Variants in RPAIN observed in about 807,000 individuals in gnomAD.
The protein encoded by RPAIN is RPA-interacting protein.
A neutral mutation model predicts 30.5 loss-of-function variants in RPAIN; 29 were observed. That is an observed-to-expected ratio of 0.95 (90% confidence interval 0.71 to 1.30). The LOEUF (loss-of-function observed/expected upper bound fraction) is 1.30. Ranked by LOEUF, RPAIN falls within the 50% of genes most tolerant of loss-of-function variation. The pLI is 0.00. For synonymous variants in RPAIN, 101 were observed against 93.5 expected, an observed-to-expected ratio of 1.08 and a Z score of -0.46; for missense variants, 247 against 264.7, an observed-to-expected ratio of 0.93 and a Z score of 0.46.
At chr17:5,429,236 A>C (rs1915683254) in intron 6 of RPAIN, 1 of 984,776 alleles carries the variant, frequency 1.0e-6, no homozygotes, top group Admixed American at 6.2e-5. Flanking sequence ...TTCCTGGAGG[A>C]GGCATTTAAC....
chr17:5,432,395 C>G (rs1916066787), intron 6 of RPAIN, 147 bp from the exon 7 acceptor site: 1 of 715,410 alleles, frequency 1.4e-6, no homozygotes, highest in Non-Finnish European at 2.4e-6. Context: ...GGGCGGTCAT[C>G]ATGACAAACT....
intron 5 of RPAIN, chr17:5,426,798 G>T (rs1356110084): frequency 6.6e-6 from 1 of 152,382 alleles, no homozygotes; most frequent in Admixed American, 6.5e-5. Context: ...CTGCCACCAC[G>T]CCCGGCTAAT....
rs1915350290 is a variant in RPAIN, at chr17:5,426,016, A to C, written c.359A>C (p.Glu120Ala). 3 of 1,614,036 alleles carry C rather than the reference A, an allele frequency of 1.9e-6. No homozygotes were observed. The highest frequency in any genetic ancestry group is 1.7e-5 in the Admixed American group (1 of 59,998). Residue 120 changes from glutamate (E) to alanine (A), a missense_variant, in exon 4 of 7, where the codon GAA becomes GCA. Transcript: ENST00000381209. ...SEYEKSLQFD[E>A]KCLSIMLAEW... ...TATGAGAAGAGCTTGCAGTTTGATG[A>C]AAAGTGTCTCAGCATCATGCTGGCT...
chr17:5,426,141 G>A (rs1915364736), intron 4 of RPAIN, 59 bp downstream of exon 4: 1 of 1,562,670 alleles, frequency 6.4e-7, no homozygotes, highest in Admixed American at 1.7e-5. Flanking sequence ...TCCAAGGTGA[G>A]TGGAATCTCC....
chr17:5,422,854 T>G, intron 3 of RPAIN, 25 bp downstream of exon 3: 1 of 1,553,358 alleles, frequency 6.4e-7, no homozygotes, highest in Non-Finnish European at 8.9e-7. Context: ...TAGTCCTTCC[T>G]TACCTGTATT....
chr17:5,429,728 G>A (rs1915725870), intron 6 of RPAIN: 1 of 985,362 alleles, frequency 1.0e-6, no homozygotes, highest in African/African-American at 1.7e-5. Context: ...AATATGCAGT[G>A]CTTTCAGGCC....
chr17:5,427,904 T>C, intron 5 of RPAIN, 167 bp from the exon 6 acceptor site: 1 of 683,396 alleles, frequency 1.5e-6, no homozygotes, highest in Non-Finnish European at 2.6e-6. Flanking sequence ...TAAATGGAGA[T>C]GGGTTAAGAG....
At chr17:5,432,483 C>A in intron 6 of RPAIN, 59 bp from the exon 7 acceptor site, 1 of 1,471,178 alleles carries the variant, frequency 6.8e-7, no homozygotes, top group Non-Finnish European at 9.5e-7. Context: ...CAACTTTTAT[C>A]AGATATCTTT....
chr17:5,425,207 TGCCCCTGTGACTA>T (rs1183742522), intron 3 of RPAIN: 3 of 412,088 alleles, frequency 7.3e-6, no homozygotes, highest in Non-Finnish European at 1.4e-5. Flanking sequence ...TTCATCTTTG[TGCCCCTGTGACTA>T]GCAGATACTA....
intron 3 of RPAIN, chr17:5,425,255 G>C (rs1915261302): frequency 6.6e-6 from 3 of 452,566 alleles, no homozygotes; most frequent in South Asian, 4.7e-5. Flanking sequence ...TTTGCTGAAT[G>C]AATGAGCACA....
rs186305667 is a variant in RPAIN, at chr17:5,420,964, G to C, written c.82-332G>C. Among the ~76,000 whole-genome samples the C allele has an allele frequency of 1.3e-3, 200 of 152,300 alleles. 1 individual carries two copies. Among genetic ancestry groups the C allele is most frequent in the Middle Eastern group, 3.4e-3 (1 of 294 alleles). ...GTTCAGAAACGCTGCTGTGCAGGAA[G>C]GCCGTTACCCAGCCATATCTAGAGT... On this transcript the variant is annotated intron_variant, in intron 1 of 6. Transcript: ENST00000381209.
At position 5,426,001 on chromosome 17, in the gene RPAIN, G is replaced by T; in HGVS notation, c.344G>T (p.Ser115Ile). The change falls in exon 4 of 7, where the codon AGC becomes ATC. Residue 115 changes from serine (S) to isoleucine (I), a missense_variant. Transcript: ENST00000381209. ...TCCATCATCAGCGAGTATGAGAAGA[G>T]CTTGCAGTTTGATGAAAAGTGTCTC... Reference protein sequence around the residue: ...EQSIISEYEKSLQFDEKCLSI... With the variant: ...EQSIISEYEKILQFDEKCLSI... 6.2e-7 allele frequency: 1 copy of T among 1,613,918 alleles called. No homozygotes were observed. Among genetic ancestry groups the T allele is most frequent in the Non-Finnish European group, 8.5e-7 (1 of 1,179,908 alleles).
At chr17:5,424,302 A>T (rs12946812) in intron 3 of RPAIN, among the ~76,000 whole-genome samples, 45,402 of 151,668 alleles carry the variant, frequency 0.3, 7,878 homozygotes, top group East Asian at 0.82. Flanking sequence ...CTAATTTTTT[A>T]AATTTTTTTG....
intron 3 of RPAIN, among the ~76,000 whole-genome samples, chr17:5,424,667 G>A (rs1186308587): frequency 2.6e-5 from 4 of 152,116 alleles, no homozygotes; most frequent in South Asian, 2.1e-4. Context: ...TAATTTCCCC[G>A]TGCCTCAGTT....
intron 5 of RPAIN, chr17:5,427,629 C>T (rs1012816879): frequency 6.4e-6 from 1 of 155,232 alleles, no homozygotes; most frequent in Admixed American, 6.3e-5. Flanking sequence ...CCTAAACATT[C>T]TACTTATCAC....
Position 5,420,199 on chromosome 17 carries a change from C to T in RPAIN, c.-12C>T, listed in dbSNP as rs896234296. On this transcript the variant is annotated 5_prime_UTR_variant, in exon 1 of 7. Transcript: ENST00000381209. ...GAACGGGTCTTGTGGCTTTGTCTCC[C>T]GCGAAGAGGAGATGGCGGAGTCGTT... 1.9e-6 allele frequency: 3 copies of T among 1,613,270 alleles called. No homozygotes were observed. The highest frequency in any genetic ancestry group is 2.5e-6 in the Non-Finnish European group (3 of 1,179,766).
chr17:5,423,783 A>G (rs1275253139), intron 3 of RPAIN, among the ~76,000 whole-genome samples: 2 of 151,966 alleles, frequency 1.3e-5, no homozygotes, highest in Admixed American at 1.3e-4. Context: ...TTTTTGAGAC[A>G]GGGTCTCTGC....
chr17:5,431,653 G>A lies in RPAIN; in HGVS notation c.631-889G>A, dbSNP rs79397941. 7.0e-3 allele frequency: 3,214 copies of A among 456,654 alleles called. 123 individuals carry two copies. Among genetic ancestry groups the A allele is most frequent in the Admixed American group, 0.06 (2,563 of 42,546 alleles). The allele number at this position is 456,654 out of a possible 1,614,324, so 28.3% of individuals were successfully genotyped here. On this transcript the variant is annotated intron_variant, in intron 6 of 6. Coordinates refer to ENST00000381209, the MANE Select transcript of RPAIN (RefSeq NM_001033002.4). ...TGTTAGAATCCAGTGAGGTCAGGAC[G>A]TAGGGACGCTCAGGACAGATGGCTG...
chr17:5,426,008 G>A lies in RPAIN; in HGVS notation c.351G>A (p.Gln117=), dbSNP rs781090337. 9 of 1,614,008 alleles carry A rather than the reference G, an allele frequency of 5.6e-6. No individual in the cohort carries two copies. In the South Asian group the frequency reaches 8.8e-5, roughly 16 times the overall value. Residue 117 remains glutamine (Q), a synonymous_variant, in exon 4 of 7, where the codon CAG becomes CAA. Transcript: ENST00000381209. The part of the protein sequence containing the change: ...SIISEYEKSL[Q]FDEKCLSIML... The stretch of plus-strand genomic sequence containing the variant: ...TCAGCGAGTATGAGAAGAGCTTGCA[G>A]TTTGATGAAAAGTGTCTCAGCATCA...
Sources: gnomAD v4.1 joint callset for allele counts (sites outside exome capture counted in the v4.1 genomes callset) on GRCh38, gnomAD v4.1.1 for gene constraint, MANE v1.5 for transcripts, NCBI Gene and HGNC (gene_info 2026-07-23, HGNC 2026-07-21) for gene names.